The following KDM4C variants were observed in gnomAD, a reference collection of about 807,000 sequenced individuals.
KDM4C encodes lysine demethylase 4C.
In KDM4C, 81 loss-of-function variants were observed where a neutral mutation model predicts 129.3. That is an observed-to-expected ratio of 0.63 (90% CI 0.52 to 0.75). KDM4C has a LOEUF of 0.75. Ranked by LOEUF, KDM4C falls within the 30% of genes least tolerant of loss-of-function variation. KDM4C has a pLI of 0.00. For synonymous variants in KDM4C, 573 were observed against 456.1 expected, an observed-to-expected ratio of 1.26 and a Z score of -3.26; for missense variants, 1,457 against 1,304.0, an observed-to-expected ratio of 1.12 and a Z score of -1.81.
intron 8 of KDM4C, among the ~76,000 whole-genome samples, chr9:6,964,565 C>G (rs1229283190): frequency 1.3e-5 from 2 of 151,904 alleles, no homozygotes; most frequent in African/African-American, 2.4e-5. Flanking sequence ...GTGCATGTGT[C>G]TTTATAGAGT....
At chr9:6,798,021 C>G (rs1460278333) in intron 2 of KDM4C, among the ~76,000 whole-genome samples, 2 of 152,078 alleles carry the variant, frequency 1.3e-5, no homozygotes, top group East Asian at 3.9e-4. Context: ...TTTCCCTATG[C>G]AAGAAAATCT....
chr9:7,066,236 G>A (rs1217184739), intron 17 of KDM4C, among the ~76,000 whole-genome samples: 1 of 151,942 alleles, frequency 6.6e-6, no homozygotes, highest in Non-Finnish European at 1.5e-5. Context: ...CAATGACAGG[G>A]GCATAAGATG....
rs1823543046 is a variant in KDM4C, at chr9:7,015,766, C to T, written c.2183-87C>T. ...CAAGACAGTATGGTAGGCTAGTGTC[C>T]CATTTTTATTTATTTCAGTACTGAG... On this transcript the variant is annotated intron_variant, in intron 14 of 21. Coordinates refer to ENST00000381309, the MANE Select transcript of KDM4C (RefSeq NM_015061.6). 5.8e-6 allele frequency: 5 copies of T among 865,642 alleles called. No individual in the cohort carries two copies. In the South Asian group the frequency reaches 7.4e-5, roughly 13 times the overall value. 53.6% of individuals were successfully genotyped at this position (865,642 alleles called of 1,614,324 possible). A position where few individuals can be genotyped will look rare whatever the true frequency, so the allele number is the denominator to read the frequency against.
intron 12 of KDM4C, among the ~76,000 whole-genome samples, chr9:7,001,654 G>A (rs990732125): frequency 5.3e-5 from 8 of 152,090 alleles, no homozygotes; most frequent in Non-Finnish European, 7.3e-5. Context: ...GATCTGCCAC[G>A]TGATAACTCC....
intron 17 of KDM4C, among the ~76,000 whole-genome samples, chr9:7,087,214 C>T (rs564357349): frequency 6.6e-6 from 1 of 150,464 alleles, no homozygotes; most frequent in South Asian, 2.1e-4. Context: ...GCATATAACT[C>T]AGAAAGAGAC....
chr9:6,981,166 C>G (rs1418575991), intron 9 of KDM4C, 48 bp downstream of exon 9: 2 of 1,482,726 alleles, frequency 1.3e-6, no homozygotes, highest in Non-Finnish European at 1.8e-6. Context: ...CGTGTTTTCT[C>G]AGTTAAAATG....
At chr9:6,999,173 G>A (rs1363710731) in intron 12 of KDM4C, among the ~76,000 whole-genome samples, 2 of 152,096 alleles carry the variant, frequency 1.3e-5, no homozygotes, top group Admixed American at 6.5e-5. Flanking sequence ...TAGGTGTTTG[G>A]GGAAAATTAT....
chr9:6,997,643 A>G (rs1820009838), intron 12 of KDM4C, among the ~76,000 whole-genome samples: 1 of 152,192 alleles, frequency 6.6e-6, no homozygotes, highest in Admixed American at 6.5e-5. Flanking sequence ...CAGTCAATAG[A>G]TTTTGGAGTC....
chr9:7,020,233 G>T (rs1824545292), intron 15 of KDM4C, among the ~76,000 whole-genome samples: 4 of 152,140 alleles, frequency 2.6e-5, no homozygotes, highest in Admixed American at 1.3e-4. Flanking sequence ...CTAGAATTAT[G>T]GCCCTATGCC....
At chr9:6,928,073 C>A (rs1822960584) in intron 8 of KDM4C, among the ~76,000 whole-genome samples, 1 of 152,110 alleles carries the variant, frequency 6.6e-6, no homozygotes, top group African/African-American at 2.4e-5. Flanking sequence ...CCTTTTTTAG[C>A]CCACTCCAGT....
intron 1 of KDM4C, among the ~76,000 whole-genome samples, chr9:6,766,585 A>T (rs1004188757): frequency 2.6e-5 from 4 of 152,084 alleles, no homozygotes; most frequent in African/African-American, 4.8e-5. Context: ...TGGAAGACTA[A>T]TGTCTTCAGT....
intron 4 of KDM4C, among the ~76,000 whole-genome samples, chr9:6,839,866 G>C (rs1024126111): frequency 4.6e-5 from 7 of 152,020 alleles, no homozygotes; most frequent in African/African-American, 1.7e-4. Flanking sequence ...TCGCGTCACT[G>C]CACTGCAGCC....
chr9:7,018,682 A>G (rs1824124503), intron 15 of KDM4C, among the ~76,000 whole-genome samples: 1 of 152,224 alleles, frequency 6.6e-6, no homozygotes, highest in Admixed American at 6.5e-5. Context: ...TGTCCAAGGT[A>G]CCATTGTCTT....
chr9:6,743,667 C>A (rs1563922580), intron 1 of KDM4C, among the ~76,000 whole-genome samples: 1 of 151,978 alleles, frequency 6.6e-6, no homozygotes, highest in Admixed American at 6.6e-5. Context: ...ACAACCAAGC[C>A]TGGCTATTTT....
At chr9:7,079,891 T>G (rs969125514) in intron 17 of KDM4C, among the ~76,000 whole-genome samples, 5 of 152,160 alleles carry the variant, frequency 3.3e-5, no homozygotes, top group African/African-American at 1.2e-4. Context: ...GAGTGAACCT[T>G]GGAAGGGGCT....
intron 4 of KDM4C, among the ~76,000 whole-genome samples, chr9:6,846,829 A>G (rs772068127): frequency 5.9e-5 from 9 of 152,178 alleles, no homozygotes; most frequent in Non-Finnish European, 1.2e-4. Flanking sequence ...AGTTCTAATA[A>G]TTAAATTTTA....
At chr9:7,090,003 GCAGAATCCCC>G (rs1238679792) in intron 17 of KDM4C, among the ~76,000 whole-genome samples, 1 of 152,222 alleles carries the variant, frequency 6.6e-6, no homozygotes, top group Non-Finnish European at 1.5e-5. Flanking sequence ...GGGAATCACT[GCAGAATCCCC>G]CAAGCCTCCT....
At chr9:7,107,768 C>T (rs1480179323) in intron 18 of KDM4C, among the ~76,000 whole-genome samples, 4 of 152,226 alleles carry the variant, frequency 2.6e-5, no homozygotes, top group South Asian at 2.1e-4. Flanking sequence ...ATAGAGAAAA[C>T]GCTGTATTGG....
chr9:6,941,861 T>A (rs1826005713), intron 8 of KDM4C: 1 of 140,840 alleles, frequency 7.1e-6, no homozygotes, highest in Admixed American at 6.9e-5. Flanking sequence ...TGTCTCTCTC[T>A]CTCTTGTGTG....
Sources: gnomAD v4.1 joint callset for allele counts (sites outside exome capture counted in the v4.1 genomes callset) on GRCh38, gnomAD v4.1.1 for gene constraint, MANE v1.5 for transcripts, NCBI Gene and HGNC (gene_info 2026-07-23, HGNC 2026-07-21) for gene names.